INO80: variants seen among roughly 807,000 people sequenced by gnomAD.
The protein encoded by INO80 is chromatin-remodeling ATPase INO80.
A neutral mutation model predicts 203.4 loss-of-function variants in INO80; 20 were observed. The ratio of observed to expected loss-of-function variants is 0.10; its 90% confidence interval spans 0.07 to 0.14. The LOEUF is 0.14. Among genes scored for constraint, INO80 ranks in the 10% least tolerant of loss-of-function variants. The probability of loss-of-function intolerance (pLI) is 1.00; values close to 1 mark genes in which losing one functional copy is unlikely to be tolerated. For missense variants in INO80, 1,419 were observed against 1,914.4 expected (o/e 0.74, Z 4.83); for synonymous variants, 726 against 685.2 (o/e 1.06, Z -0.93).
At chr15:41,038,261 C>G (rs1433813195) in intron 24 of INO80, among the ~76,000 whole-genome samples, 1 of 151,928 alleles carries the variant, frequency 6.6e-6, no homozygotes, top group East Asian at 1.9e-4. Context: ...CCGCCCACCT[C>G]AGCCTCCCAA....
intron 1 of INO80, among the ~76,000 whole-genome samples, chr15:41,097,901 C>T (rs551742896): frequency 5.3e-5 from 8 of 152,146 alleles, no homozygotes; most frequent in South Asian, 2.1e-4. Flanking sequence ...TGCAGTGAGC[C>T]GAGACTGTGC....
chr15:41,110,146 G>A (rs746414686), intron 1 of INO80, among the ~76,000 whole-genome samples: 2 of 151,690 alleles, frequency 1.3e-5, no homozygotes, highest in Non-Finnish European at 2.9e-5. Context: ...TTGGCTTTCT[G>A]GATTTTATTT....
intron 24 of INO80, among the ~76,000 whole-genome samples, chr15:41,040,374 T>C: frequency 6.6e-6 from 1 of 152,134 alleles, no homozygotes; most frequent in East Asian, 1.9e-4. Flanking sequence ...GGTTCAAGGA[T>C]AGTCAAATGG....
At chr15:41,036,088 G>A (rs1412987252) in intron 24 of INO80, among the ~76,000 whole-genome samples, 3 of 137,264 alleles carry the variant, frequency 2.2e-5, no homozygotes, top group Admixed American at 8.0e-5. Context: ...CCCAGGAGGC[G>A]GAAGTTGCAG....
chr15:41,069,131 ATTTTTG>A (rs1374688684), intron 14 of INO80, among the ~76,000 whole-genome samples: 2 of 152,024 alleles, frequency 1.3e-5, no homozygotes, highest in African/African-American at 4.8e-5. Context: ...AACAATGTAT[ATTTTTG>A]TTTTTGTGAC....
intron 35 of INO80, among the ~76,000 whole-genome samples, chr15:40,982,528 G>A (rs1266894336): frequency 6.6e-6 from 1 of 152,196 alleles, no homozygotes; most frequent in Non-Finnish European, 1.5e-5. Context: ...CGTTAACTAT[G>A]CTAATTTGGA....
chr15:41,057,815 A>AAG (rs1566932033), intron 16 of INO80, among the ~76,000 whole-genome samples: 1 of 150,066 alleles, frequency 6.7e-6, no homozygotes, highest in African/African-American at 2.5e-5. Context: ...AAAAAAAAAA[A>AAG]AAAAAGAAAG....
In INO80 at chr15:41,047,436, T is replaced by C; in HGVS notation, c.2707A>G (p.Asn903Asp). The change falls in exon 23 of 36, where the codon AAC (asparagine) becomes GAC (aspartate). Residue 903 changes from asparagine to aspartate, a missense_variant. Transcript: ENST00000648947. ...FIDISPAEMA[N>D]LMLQGLLARW... ...GCCAAAAGTCCCTGAAGCATAAGGT[T>C]TGCCATTTCTGCTGGAGATATATCA... is the stretch of plus-strand genomic sequence containing the variant. 1 of 1,613,614 alleles carries C rather than the reference T, an allele frequency of 6.2e-7. No homozygotes were observed. The highest frequency in any genetic ancestry group is 1.6e-4 in the Middle Eastern group (1 of 6,062).
At chr15:41,060,753 A>G (rs2045090016) in intron 14 of INO80, among the ~76,000 whole-genome samples, 1 of 152,110 alleles carries the variant, frequency 6.6e-6, no homozygotes, top group African/African-American at 2.4e-5. Flanking sequence ...AGACATCTGA[A>G]TTCCAGATTA....
chr15:40,997,473 G>A, intron 29 of INO80, 56 bp downstream of exon 29: 3 of 1,148,582 alleles, frequency 2.6e-6, no homozygotes, highest in Non-Finnish European at 4.0e-6. Context: ...AACCTACATA[G>A]TAGGTTTCAT....
intron 1 of INO80, among the ~76,000 whole-genome samples, chr15:41,109,907 G>A (rs2045934714): frequency 6.6e-6 from 1 of 151,122 alleles, no homozygotes; most frequent in South Asian, 2.1e-4. Flanking sequence ...ACTCCAGCCT[G>A]GACGACAGAG....
At chr15:41,091,204 G>A (rs1316320890) in intron 5 of INO80, among the ~76,000 whole-genome samples, 4 of 152,108 alleles carry the variant, frequency 2.6e-5, no homozygotes, top group African/African-American at 9.7e-5. Context: ...GATTACAGGC[G>A]TGAGTCACTG....
chr15:40,979,076 T>G lies in INO80; in HGVS notation c.*1147A>C, dbSNP rs779962250. On this transcript the variant is annotated 3_prime_UTR_variant, in exon 36 of 36. Coordinates refer to ENST00000648947, the MANE Select transcript of INO80 (RefSeq NM_017553.3). Reference sequence around the variant, plus strand: ...GAATCTGGGTTTGAGCAGGGGAATCTTAATGATTTAAATTAAATGATTCCC... The same window carrying G: ...GAATCTGGGTTTGAGCAGGGGAATCGTAATGATTTAAATTAAATGATTCCC... The G allele has an allele frequency of 4.6e-5, 7 of 152,604 alleles. No homozygotes were observed. The highest frequency in any genetic ancestry group is 2.6e-4 in the Admixed American group (4 of 15,278). 9.5% of individuals were successfully genotyped at this position (152,604 alleles called of 1,614,324 possible).
At chr15:41,060,893 A>C (rs1032313185) in intron 14 of INO80, among the ~76,000 whole-genome samples, 7 of 152,226 alleles carry the variant, frequency 4.6e-5, no homozygotes, top group African/African-American at 1.7e-4. Flanking sequence ...TTTCCTATAC[A>C]ATGTCTGGCA....
In INO80 at chr15:41,070,566, T is replaced by C. The variant is rs776913140; in HGVS notation, c.1606-19A>G. On this transcript the variant is annotated intron_variant, in intron 12 of 35. Coordinates refer to ENST00000648947, the MANE Select transcript of INO80 (RefSeq NM_017553.3). ...TAATACCCTGGGGAAAAAAAATACATGGTCAACACCTCATGCATTTCATCA... is the reference window on the plus strand; with the variant it reads ...TAATACCCTGGGGAAAAAAAATACACGGTCAACACCTCATGCATTTCATCA... The C allele has an allele frequency of 9.5e-6, 15 of 1,581,526 alleles. No individual in the cohort carries two copies. The East Asian group carries it at 3.1e-4, about 33-fold the overall frequency.
intron 21 of INO80, among the ~76,000 whole-genome samples, chr15:41,049,009 T>C (rs904929370): frequency 2.0e-5 from 3 of 152,226 alleles, no homozygotes; most frequent in East Asian, 1.9e-4. Context: ...CAATGGGGCA[T>C]AGATATGCAT....
chr15:41,020,289 G>A (rs1408695638), intron 26 of INO80, among the ~76,000 whole-genome samples: 2 of 152,156 alleles, frequency 1.3e-5, no homozygotes, highest in African/African-American at 4.8e-5. Context: ...ATAGCTCCAA[G>A]CTACCATTCC....
chr15:40,980,451 GGAGA>G lies in INO80; in HGVS notation c.4454-15_4454-12del, dbSNP rs746640315. 1.2e-5 allele frequency: 19 copies of G among 1,603,312 alleles called. No homozygotes were observed. In the East Asian group the frequency reaches 4.2e-4, roughly 36 times the overall value. On this transcript the variant is annotated splice_polypyrimidine_tract_variant and intron_variant, in intron 35 of 35. Transcript: ENST00000648947. ...TGCTGGCGGAGATTCCTGTGGGGAC[GGAGA>G]GAGACAAGAACGTAAGCACCAGTCC...
chr15:41,095,056 A>T (rs1596324190), intron 4 of INO80, among the ~76,000 whole-genome samples: 1 of 149,684 alleles, frequency 6.7e-6, no homozygotes, highest in Non-Finnish European at 1.5e-5. Flanking sequence ...AAAAAATCTG[A>T]GGCTGGGTGC....
Sources: allele counts gnomAD v4.1 joint callset (sites outside exome capture counted in the v4.1 genomes callset), GRCh38; gene constraint gnomAD v4.1.1; transcripts MANE v1.5; gene names NCBI Gene and HGNC (gene_info 2026-07-23, HGNC 2026-07-21).